The following TOPAZ1 variants were observed in gnomAD, a reference collection of about 807,000 sequenced individuals.
The protein encoded by TOPAZ1 is testis and ovary specific TOPAZ 1, also known as protein TOPAZ1.
Under a neutral mutation model 172.2 loss-of-function variants are expected in TOPAZ1, and 66 were observed. That is an observed-to-expected ratio of 0.38 (90% CI 0.31 to 0.47). TOPAZ1 has a LOEUF of 0.47. TOPAZ1 is among the 20% of genes least tolerant of loss of function. The pLI is 0.99. For missense variants in TOPAZ1, 1,822 were observed against 1,972.4 expected (o/e 0.92, Z 1.44); for synonymous variants, 681 against 683.9 (o/e 1.00, Z 0.07).
At chr3:44,291,368 C>T (rs1416509129) in intron 12 of TOPAZ1, among the ~76,000 whole-genome samples, 4 of 150,150 alleles carry the variant, frequency 2.7e-5, no homozygotes, top group African/African-American at 7.3e-5. Flanking sequence ...TTTGCAAGGC[C>T]GAGGCAGGCG....
chr3:44,261,804 A>G (rs998716295), intron 4 of TOPAZ1, among the ~76,000 whole-genome samples: 10 of 152,166 alleles, frequency 6.6e-5, no homozygotes, highest in African/African-American at 2.2e-4. Context: ...ATGTTTTTCC[A>G]TTAGTTGATG....
intron 16 of TOPAZ1, among the ~76,000 whole-genome samples, chr3:44,311,978 A>T (rs1031233766): frequency 1.3e-5 from 2 of 151,104 alleles, no homozygotes; most frequent in African/African-American, 4.9e-5. Context: ...TTTAAAACAC[A>T]TTTTTTTTTC....
chr3:44,242,089 C>T lies in TOPAZ1; in HGVS notation c.36C>T (p.Ala12=). ...RRPPPLGPTT[A]SGPEGNVRNL... ...CTCCACCCCTGGGCCCCACGACGGC[C>T]TCAGGGCCTGAAGGCAATGTGCGAA... is the stretch of plus-strand genomic sequence containing the variant. Residue 12 remains alanine (A), a synonymous_variant, in exon 1 of 20, where the codon GCC becomes GCT. Coordinates refer to ENST00000309765, the MANE Select transcript of TOPAZ1 (RefSeq NM_001145030.2). 3 of 1,547,408 alleles carry T rather than the reference C, an allele frequency of 1.9e-6. No individual in the cohort carries two copies. The highest frequency in any genetic ancestry group is 2.6e-6 in the Non-Finnish European group (3 of 1,146,456).
intron 11 of TOPAZ1, 138 bp from the exon 12 acceptor site, chr3:44,290,632 AT>A: frequency 1.7e-6 from 1 of 583,602 alleles, no homozygotes; most frequent in Non-Finnish European, 3.1e-6. Flanking sequence ...CTGTGCCTCA[AT>A]TTTTTTAAAT....
chr3:44,319,143 G>A (rs540354873), intron 16 of TOPAZ1, among the ~76,000 whole-genome samples: 2 of 152,088 alleles, frequency 1.3e-5, no homozygotes, highest in Non-Finnish European at 2.9e-5. Flanking sequence ...AAGGCAAGGC[G>A]GGGAAGAACC....
chr3:44,262,567 G>A (rs1391013877), intron 5 of TOPAZ1, 84 bp downstream of exon 5: 1 of 681,442 alleles, frequency 1.5e-6, no homozygotes, highest in East Asian at 3.1e-5. Context: ...ATTCTCTGCT[G>A]TTTATATGCT....
At chr3:44,324,133 G>A (rs1364877445) in intron 18 of TOPAZ1, among the ~76,000 whole-genome samples, 1 of 152,166 alleles carries the variant, frequency 6.6e-6, no homozygotes, top group Non-Finnish European at 1.5e-5. Context: ...AAATGGGAAA[G>A]AAAATACTAG....
intron 12 of TOPAZ1, among the ~76,000 whole-genome samples, chr3:44,295,868 A>G (rs1220203446): frequency 6.6e-6 from 1 of 152,186 alleles, no homozygotes; most frequent in Non-Finnish European, 1.5e-5. Flanking sequence ...CCATCAATCA[A>G]CAGGGTTTAA....
intron 4 of TOPAZ1, 32 bp downstream of exon 4, chr3:44,256,310 C>G: frequency 6.6e-7 from 1 of 1,508,928 alleles, no homozygotes; most frequent in Non-Finnish European, 8.8e-7. Context: ...TTTTTTATTT[C>G]TTGGTCTTAA....
intron 4 of TOPAZ1, among the ~76,000 whole-genome samples, chr3:44,257,391 G>GTGTGTGTA: frequency 8.1e-6 from 1 of 124,152 alleles, no homozygotes; most frequent in African/African-American, 3.0e-5. Flanking sequence ...GTGTGTGTGT[G>GTGTGTGTA]TGTGTGTGTG....
At chr3:44,258,863 G>A (rs1042344380) in intron 4 of TOPAZ1, among the ~76,000 whole-genome samples, 5 of 152,088 alleles carry the variant, frequency 3.3e-5, no homozygotes, top group African/African-American at 7.2e-5. Context: ...TATAGTAGTC[G>A]CATGTTAGGT....
intron 16 of TOPAZ1, among the ~76,000 whole-genome samples, chr3:44,315,966 G>A (rs1232531649): frequency 1.3e-5 from 2 of 152,024 alleles, no homozygotes; most frequent in African/African-American, 2.4e-5. Flanking sequence ...CAGGCACAGT[G>A]ACTCATGCCT....
chr3:44,307,571 G>A (rs2125700495), intron 15 of TOPAZ1, among the ~76,000 whole-genome samples: 1 of 152,176 alleles, frequency 6.6e-6, no homozygotes, highest in South Asian at 2.1e-4. Flanking sequence ...TCCAAAATAG[G>A]GAGGAAGTGC....
At position 44,243,093 on chromosome 3, in the gene TOPAZ1, T is replaced by C. The variant is rs1699507000; in HGVS notation, c.587T>C (p.Val196Ala). The C allele has an allele frequency of 6.5e-7, 1 of 1,548,048 alleles. No individual in the cohort carries two copies. The highest frequency in any genetic ancestry group is 2.4e-5 in the East Asian group (1 of 40,876). Residue 196 changes from valine (V) to alanine (A), a missense_variant, in exon 2 of 20, where the codon GTT becomes GCT. Physicochemically the swap from Val to Ala is moderately conservative, Grantham distance 64. Around this residue, in one of 2 missense-constraint regions of TOPAZ1, gnomAD observed 1,489 missense variants for 1,490.8 expected, o/e 1.00. Coordinates refer to ENST00000309765, the MANE Select transcript of TOPAZ1 (RefSeq NM_001145030.2). ...AATGAGGCTACACAAAATATTAAGG[T>C]TGAATTCCAAGATGAACTGTACAAG... ...TENEATQNIK[V>A]EFQDELYKNT...
At chr3:44,298,909 A>ATATATATTTT (rs1287571186) in intron 12 of TOPAZ1, among the ~76,000 whole-genome samples, 13 of 41,320 alleles carry the variant, frequency 3.1e-4, no homozygotes, top group African/African-American at 5.4e-4. Flanking sequence ...ATATATATAT[A>ATATATATTTT]TTTTTTTTTT....
At position 44,305,329 on chromosome 3, in the gene TOPAZ1, G is replaced by A; in HGVS notation, c.4039+8G>A. On this transcript the variant is annotated splice_region_variant and intron_variant, in intron 14 of 19. Coordinates refer to ENST00000309765, the MANE Select transcript of TOPAZ1 (RefSeq NM_001145030.2). Reference sequence around the variant, plus strand: ...GTGAATTTGCTGAAACAGGTAAAATGTAACTATTGGCCTGAATATTGTGTA... The same window carrying A: ...GTGAATTTGCTGAAACAGGTAAAATATAACTATTGGCCTGAATATTGTGTA... 1 of 1,531,102 alleles carries A rather than the reference G, an allele frequency of 6.5e-7. No individual in the cohort carries two copies. The highest frequency in any genetic ancestry group is 2.2e-5 in the Admixed American group (1 of 45,340). 94.8% of individuals were successfully genotyped at this position (1,531,102 alleles called of 1,614,324 possible).
intron 3 of TOPAZ1, among the ~76,000 whole-genome samples, chr3:44,255,389 A>G (rs995925592): frequency 1.3e-5 from 2 of 152,088 alleles, no homozygotes; most frequent in Admixed American, 1.3e-4. Context: ...GCGGTGGCTC[A>G]TGCCTGTAAT....
chr3:44,271,858 T>C (rs1031745653), intron 8 of TOPAZ1, among the ~76,000 whole-genome samples: 5 of 152,186 alleles, frequency 3.3e-5, no homozygotes, highest in Non-Finnish European at 5.9e-5. Flanking sequence ...AACTTTTTCT[T>C]CCTGTTTAAT....
chr3:44,245,907 T>C (rs1488689678), intron 2 of TOPAZ1, among the ~76,000 whole-genome samples: 1 of 152,228 alleles, frequency 6.6e-6, no homozygotes. Flanking sequence ...AAATGTTCTT[T>C]AATTATTATA....
Sources: gnomAD v4.1 joint callset for allele counts (sites outside exome capture counted in the v4.1 genomes callset) on GRCh38, gnomAD v4.1.1 for gene constraint, gnomAD v4.1.1 regional missense constraint, MANE v1.5 for transcripts, NCBI Gene and HGNC (gene_info 2026-07-23, HGNC 2026-07-21) for gene names.